BCAS3: variants seen among roughly 807,000 people sequenced by gnomAD.
BCAS3 encodes the protein BCAS3 microtubule associated cell migration factor.
In BCAS3, 53 loss-of-function variants were observed where a neutral mutation model predicts 116.1. The observed-to-expected ratio is 0.46, with a 90% CI of 0.37 to 0.57. The LOEUF (loss-of-function observed/expected upper bound fraction) is 0.57, where lower values mean the gene tolerates loss of function less well. Among genes scored for constraint, BCAS3 ranks in the 20% least tolerant of loss-of-function variants. BCAS3 has a pLI of 0.00. For synonymous variants in BCAS3, 391 were observed against 408.2 expected (o/e 0.96, Z 0.51); for missense variants, 917 against 1,165.4 (o/e 0.79, Z 3.10).
intron 22 of BCAS3, among the ~76,000 whole-genome samples, chr17:61,247,556 G>A (rs2048067524): frequency 6.6e-6 from 1 of 152,134 alleles, no homozygotes; most frequent in African/African-American, 2.4e-5. Flanking sequence ...TTGACTCCAT[G>A]AAATTCTCCA....
chr17:61,280,859 C>T (rs1053976060), intron 22 of BCAS3, among the ~76,000 whole-genome samples: 58 of 152,290 alleles, frequency 3.8e-4, no homozygotes, highest in African/African-American at 1.4e-3. Context: ...GGGAATGTCT[C>T]GACCCTTAAC....
chr17:60,886,680 G>T (rs2056667404), intron 9 of BCAS3, among the ~76,000 whole-genome samples: 1 of 151,978 alleles, frequency 6.6e-6, no homozygotes, highest in African/African-American at 2.4e-5. Context: ...ACCCTCAGCT[G>T]CAGGTCTGTT....
At chr17:61,254,777 G>GAAAAAAAAAAAAAAAAAAAA (rs61471068) in intron 22 of BCAS3, among the ~76,000 whole-genome samples, 1 of 73,526 alleles carries the variant, frequency 1.4e-5, no homozygotes, top group Non-Finnish European at 2.2e-5. Flanking sequence ...CTCCGTCTCA[G>GAAAAAAAAAAAAAAAAAAAA]AAAAAAAAAA....
In BCAS3 at chr17:60,992,658, G is replaced by T. The variant is rs755889877; in HGVS notation, c.1486+2423G>T. Among the ~76,000 whole-genome samples, 2 of 152,014 alleles carry T rather than the reference G, an allele frequency of 1.3e-5. 1 individual carries two copies. Among genetic ancestry groups the T allele is most frequent in the South Asian group, 4.1e-4 (2 of 4,826 alleles). On this transcript the variant is annotated intron_variant, in intron 15 of 23. Coordinates refer to ENST00000407086, the MANE Select transcript of BCAS3 (RefSeq NM_017679.5). ...TTACCCATGTAACAAACTTGCACAT[G>T]TGCCCCCGAACATAAAATAAAAATT...
At chr17:60,992,081 C>T (rs764294359) in intron 15 of BCAS3, among the ~76,000 whole-genome samples, 18 of 151,802 alleles carry the variant, frequency 1.2e-4, no homozygotes, top group Non-Finnish European at 2.4e-4. Flanking sequence ...TATGTGTGTA[C>T]GTGTATTTGA....
At chr17:61,218,633 G>T (rs919349299) in intron 22 of BCAS3, among the ~76,000 whole-genome samples, 1 of 152,192 alleles carries the variant, frequency 6.6e-6, no homozygotes, top group African/African-American at 2.4e-5. Context: ...AAGACATCCA[G>T]CTGATGGGCT....
At chr17:60,751,217 C>A (rs1269751699) in intron 6 of BCAS3, among the ~76,000 whole-genome samples, 3 of 152,100 alleles carry the variant, frequency 2.0e-5, no homozygotes, top group Non-Finnish European at 4.4e-5. Flanking sequence ...TCTTCATGGC[C>A]ACTATCAATA....
intron 6 of BCAS3, among the ~76,000 whole-genome samples, chr17:60,794,390 C>G (rs746357387): frequency 1.3e-5 from 2 of 151,978 alleles, no homozygotes; most frequent in Admixed American, 6.6e-5. Flanking sequence ...TTTTGCTATG[C>G]GAAAGCTCTT....
rs1445917464 is a variant in BCAS3 at position 61,132,668 on chromosome 17, ACAC to A, written c.2425+48108_2425+48110del. Among the ~76,000 whole-genome samples the A allele has an allele frequency of 4.6e-5, 7 of 152,214 alleles. No homozygotes were observed. The highest frequency in any genetic ancestry group is 8.8e-5 in the Non-Finnish European group (6 of 68,034). ...GTGAAACATTCTAGGGAGCAAGAGC[ACAC>A]CACTGTACATGCTCCTGGTTTGTGT... is the stretch of plus-strand genomic sequence containing the variant. On this transcript the variant is annotated intron_variant, in intron 22 of 23. Coordinates refer to ENST00000407086, the MANE Select transcript of BCAS3 (RefSeq NM_017679.5). The surrounding 1 kb of genome is among the most constrained non-coding windows in gnomAD (Gnocchi z 5.1).
chr17:60,842,333 A>C (rs2052020871), intron 7 of BCAS3, among the ~76,000 whole-genome samples: 1 of 152,126 alleles, frequency 6.6e-6, no homozygotes, highest in Non-Finnish European at 1.5e-5. Context: ...GGACAACCTT[A>C]TACATTTGGT....
chr17:60,710,880 C>G (rs1374213309), intron 5 of BCAS3, among the ~76,000 whole-genome samples: 1 of 150,250 alleles, frequency 6.7e-6, no homozygotes, highest in South Asian at 2.1e-4. Flanking sequence ...GTAATTCACT[C>G]TATCCTCCAC....
At chr17:60,958,315 G>T (rs1052960645) in intron 14 of BCAS3, among the ~76,000 whole-genome samples, 2 of 152,150 alleles carry the variant, frequency 1.3e-5, no homozygotes, top group African/African-American at 4.8e-5. Context: ...ATTCAAAAAT[G>T]ACATGATTGT....
At chr17:61,090,538 A>T (rs2073466076) in intron 22 of BCAS3, among the ~76,000 whole-genome samples, 1 of 152,236 alleles carries the variant, frequency 6.6e-6, no homozygotes, top group Admixed American at 6.5e-5. Flanking sequence ...GTCTATATAA[A>T]ATCAAAAGTA....
chr17:61,340,719 G>A (rs1418856959), intron 22 of BCAS3, among the ~76,000 whole-genome samples: 1 of 152,154 alleles, frequency 6.6e-6, no homozygotes, highest in Non-Finnish European at 1.5e-5. Context: ...GAAGCTGAGA[G>A]TGTGTGCAAG....
At position 61,124,091 on chromosome 17, in the gene BCAS3, T is replaced by C. The variant is rs186881318; in HGVS notation, c.2425+39527T>C. On this transcript the variant is annotated intron_variant, in intron 22 of 23. Coordinates refer to ENST00000407086, the MANE Select transcript of BCAS3 (RefSeq NM_017679.5). This position sits in a 1 kb window ranked among gnomAD's most constrained non-coding sequence, Gnocchi z 4.6. ...GGAGAGAGATATATATATATACATA[T>C]ATATGTTTTTATTATTTAACATTTG... Among the ~76,000 whole-genome samples the C allele has an allele frequency of 6.6e-5, 10 of 152,210 alleles. No individual in the cohort carries two copies. The highest frequency in any genetic ancestry group is 2.2e-4 in the African/African-American group (9 of 41,544).
chr17:61,247,130 G>C (rs951047914), intron 22 of BCAS3, among the ~76,000 whole-genome samples: 1 of 152,036 alleles, frequency 6.6e-6, no homozygotes, highest in Non-Finnish European at 1.5e-5. Flanking sequence ...GAATACATCA[G>C]ACTTTTATTT....
At chr17:61,089,510 T>C (rs1482645501) in intron 22 of BCAS3, among the ~76,000 whole-genome samples, 1 of 42,408 alleles carries the variant, frequency 2.4e-5, no homozygotes, top group African/African-American at 2.0e-4. Flanking sequence ...AGTTTCACTC[T>C]TTTTTTTTTT....
At chr17:60,894,790 T>C (rs2057399929) in intron 10 of BCAS3, among the ~76,000 whole-genome samples, 1 of 152,258 alleles carries the variant, frequency 6.6e-6, no homozygotes, top group Admixed American at 6.5e-5. Flanking sequence ...TGTTGAATTT[T>C]ATTAAATGCT....
chr17:61,318,168 C>T (rs1220264133), intron 22 of BCAS3, among the ~76,000 whole-genome samples: 1 of 152,168 alleles, frequency 6.6e-6, no homozygotes. Flanking sequence ...GACTAGAACA[C>T]ACCAAAAAAG....
Sources: allele counts gnomAD v4.1 joint callset (sites outside exome capture counted in the v4.1 genomes callset), GRCh38; gene constraint gnomAD v4.1.1; non-coding constraint Gnocchi (gnomAD v3.1); transcripts MANE v1.5; gene names NCBI Gene and HGNC (gene_info 2026-07-23, HGNC 2026-07-21).